FCER2: variants seen among roughly 807,000 people sequenced by gnomAD.
FCER2 encodes Fc epsilon receptor II.
In FCER2, 38 loss-of-function variants were observed where a neutral mutation model predicts 49.7. The ratio of observed to expected loss-of-function variants is 0.76; its 90% CI spans 0.59 to 1.00. FCER2 has a LOEUF of 1.00. FCER2 is among the 50% of genes least tolerant of loss of function. FCER2 has a pLI of 0.00. For synonymous variants in FCER2, 163 were observed against 164.6 expected (o/e 0.99, Z 0.07); for missense variants, 425 against 419.5 (o/e 1.01, Z -0.11).
chr19:7,699,633 C>A, intron 2 of FCER2, 106 bp downstream of exon 2: 1 of 1,312,562 alleles, frequency 7.6e-7, no homozygotes, highest in Non-Finnish European at 1.1e-6. Context: ...AGAAATTCAC[C>A]CTCTTTCCCA....
intron 2 of FCER2, 109 bp downstream of exon 2, chr19:7,699,630 C>G (rs2033110562): frequency 2.3e-6 from 3 of 1,297,322 alleles, no homozygotes; most frequent in Non-Finnish European, 3.3e-6. Context: ...CTTAGAAATT[C>G]ACCCTCTTTC....
Position 7,698,421 on chromosome 19 carries a change from G to C in FCER2, c.137-12C>G. 1 of 1,603,042 alleles carries C rather than the reference G, an allele frequency of 6.2e-7. No individual in the cohort carries two copies. The highest frequency in any genetic ancestry group is 1.1e-5 in the South Asian group (1 of 89,898). ...TGTGGTGTCCCAGTCTGGGGAGGGG[G>C]AGAGAAGAGGAGTGGAGAGGGGGGA... On this transcript the variant is annotated splice_polypyrimidine_tract_variant and intron_variant, in intron 3 of 10. Transcript: ENST00000597921.
chr19:7,699,483 TTTTTTTTTTC>T, intron 2 of FCER2: 2 of 1,207,530 alleles, frequency 1.7e-6, no homozygotes, highest in Non-Finnish European at 2.1e-6. Context: ...AGCCGTTTTT[TTTTTTTTTTC>T]TTTTTCTTTT....
chr19:7,699,679 G>C, intron 2 of FCER2, 60 bp downstream of exon 2: 1 of 1,536,950 alleles, frequency 6.5e-7, no homozygotes, highest in Admixed American at 1.7e-5. Flanking sequence ...TCTTCTGGGT[G>C]AAAGGCAGTA....
At chr19:7,696,436 A>G (rs2033013097) in intron 8 of FCER2, among the ~76,000 whole-genome samples, 2 of 152,014 alleles carry the variant, frequency 1.3e-5, no homozygotes. Context: ...GGGTTTCACC[A>G]TGTTGGTCAG....
intron 1 of FCER2, among the ~76,000 whole-genome samples, chr19:7,701,574 C>T (rs2033152302): frequency 1.3e-5 from 2 of 152,102 alleles, no homozygotes; most frequent in Admixed American, 1.3e-4. Context: ...AGTGGTGGGA[C>T]TGGAACTCAA....
intron 8 of FCER2, among the ~76,000 whole-genome samples, 189 bp from the exon 9 acceptor site, chr19:7,690,746 T>G (rs1189999371): frequency 6.6e-6 from 1 of 152,102 alleles, no homozygotes; most frequent in Non-Finnish European, 1.5e-5. Context: ...ACCAGATCCA[T>G]AGTAGAAGCA....
In FCER2 at chr19:7,700,043, C is replaced by G; in HGVS notation, c.-85-198G>C. ...AGCCTGAGATCAGAAGTGGGGCACT[C>G]CAGAGCCCATCACACTTGAGCTACA... On this transcript the variant is annotated intron_variant, in intron 1 of 10. Coordinates refer to ENST00000597921, the MANE Select transcript of FCER2 (RefSeq NM_001220500.2). The G allele has an allele frequency of 5.7e-6, 3 of 525,952 alleles. No homozygotes were observed. In the East Asian group the frequency reaches 9.9e-5, roughly 17 times the overall value. 32.6% of individuals were successfully genotyped at this position (525,952 alleles called of 1,614,324 possible).
At chr19:7,699,416 C>T in intron 2 of FCER2, 3 of 1,419,330 alleles carry the variant, frequency 2.1e-6, no homozygotes, top group Non-Finnish European at 2.8e-6. Flanking sequence ...TCTGCTTGTT[C>T]CAAGTTCCTG....
At chr19:7,696,586 G>A (rs35446135) in intron 8 of FCER2, among the ~76,000 whole-genome samples, 36,444 of 151,928 alleles carry the variant, frequency 0.24, 4,728 homozygotes, top group African/African-American at 0.33. Flanking sequence ...TGTATGCTCT[G>A]TGTGTCCTGC....
In FCER2 at chr19:7,696,906, C is replaced by T. The variant is rs755933015; in HGVS notation, c.388G>A (p.Glu130Lys). 1.9e-6 allele frequency: 3 copies of T among 1,582,172 alleles called. No individual in the cohort carries two copies. Among genetic ancestry groups the T allele is most frequent in the Non-Finnish European group, 2.6e-6 (3 of 1,163,204 alleles). ...LSSFKSQELNERNEASDLLER... is the reference protein window; with the variant it reads ...LSSFKSQELNKRNEASDLLER... ...AGCAAATCTGAAGCTTCGTTCCTCTCGTTCAATTCTTGGGGAGTCAACAAG... is the reference window on the plus strand; with the variant it reads ...AGCAAATCTGAAGCTTCGTTCCTCTTGTTCAATTCTTGGGGAGTCAACAAG... Residue 130 changes from glutamate to lysine, a missense_variant, in exon 8 of 11, where the codon GAG becomes AAG. Physicochemically the swap from Glu to Lys is moderately conservative, Grantham distance 56. Transcript: ENST00000597921.
intron 2 of FCER2, 137 bp from the exon 3 acceptor site, chr19:7,698,991 A>AT (rs903569009): frequency 1.2e-6 from 1 of 862,784 alleles, no homozygotes; most frequent in Non-Finnish European, 1.8e-6. Context: ...GTCTCAGTGG[A>AT]CCCCCAGCTC....
chr19:7,697,653 A>G, intron 4 of FCER2, 64 bp from the exon 5 acceptor site: 2 of 1,364,296 alleles, frequency 1.5e-6, no homozygotes, highest in Non-Finnish European at 2.1e-6. Context: ...GACCCCGCCT[A>G]TGCCCCAGGC....
At chr19:7,697,992 G>C (rs1361920390) in intron 4 of FCER2, among the ~76,000 whole-genome samples, 1 of 152,144 alleles carries the variant, frequency 6.6e-6, no homozygotes, top group Non-Finnish European at 1.5e-5. Flanking sequence ...AGTTACAATG[G>C]CTCGACTTTA....
chr19:7,689,276 C>A lies in FCER2; in HGVS notation c.883G>T (p.Gly295Cys). 6.2e-7 allele frequency: 1 copy of A among 1,613,792 alleles called. No individual in the cohort carries two copies. The highest frequency in any genetic ancestry group is 8.5e-7 in the Non-Finnish European group (1 of 1,179,906). ...LATCTPPASE[G>C]SAESMGPDSR... is the part of the protein sequence containing the mutation. Reference sequence around the variant, plus strand: ...TCAGGTCCCATGGACTCCGCGGAACCTTCGCTGGCTGGCGGCGTGCATGTG... The same window carrying A: ...TCAGGTCCCATGGACTCCGCGGAACATTCGCTGGCTGGCGGCGTGCATGTG... Residue 295 changes from glycine (G) to cysteine (C), a missense_variant, in exon 11 of 11, where the codon GGT (glycine) becomes TGT (cysteine). Coordinates refer to ENST00000597921, the MANE Select transcript of FCER2 (RefSeq NM_001220500.2).
Position 7,702,108 on chromosome 19 carries a change from G to A in FCER2, c.-179C>T, listed in dbSNP as rs2033165034. On this transcript the variant is annotated 5_prime_UTR_variant, in exon 1 of 11. Transcript: ENST00000597921. ...GGGACCGTCAGAGACAGAGGTTTAA[G>A]CAGGAAGAGAGACACTTTCTTCTGA... The A allele has an allele frequency of 6.6e-6, 1 of 152,094 alleles. No individual in the cohort carries two copies. Among genetic ancestry groups the A allele is most frequent in the Admixed American group, 6.6e-5 (1 of 15,262 alleles). 9.4% of individuals were successfully genotyped at this position (152,094 alleles called of 1,614,324 possible). A position where few individuals can be genotyped will look rare whatever the true frequency, so the allele number is the denominator to read the frequency against.
At chr19:7,699,589 G>GC in intron 2 of FCER2, 150 bp downstream of exon 2, 1 of 1,173,798 alleles carries the variant, frequency 8.5e-7, no homozygotes, top group South Asian at 1.4e-5. Context: ...AGTCAGTCCG[G>GC]CCTCACCTCC....
In FCER2 at chr19:7,700,020, C is replaced by T. The variant is rs1284784103; in HGVS notation, c.-85-175G>A. 6 of 562,734 alleles carry T rather than the reference C, an allele frequency of 1.1e-5. No homozygotes were observed. In the Admixed American group the frequency reaches 1.9e-4, roughly 17 times the overall value. 34.9% of individuals were successfully genotyped at this position (562,734 alleles called of 1,614,324 possible). ...CACAGCTGGTGTGGAGAGATAGCAGCCTGAGATCAGAAGTGGGGCACTCCA... is the reference window on the plus strand; with the variant it reads ...CACAGCTGGTGTGGAGAGATAGCAGTCTGAGATCAGAAGTGGGGCACTCCA... On this transcript the variant is annotated intron_variant, in intron 1 of 10. Transcript: ENST00000597921.
At chr19:7,701,805 G>A (rs1173943397) in intron 1 of FCER2, among the ~76,000 whole-genome samples, 2 of 152,106 alleles carry the variant, frequency 1.3e-5, no homozygotes, top group Non-Finnish European at 2.9e-5. Flanking sequence ...CAGATGGCCT[G>A]CTTTCACTTC....
Sources: allele counts gnomAD v4.1 joint callset (sites outside exome capture counted in the v4.1 genomes callset), GRCh38; gene constraint gnomAD v4.1.1; transcripts MANE v1.5; gene names NCBI Gene and HGNC (gene_info 2026-07-23, HGNC 2026-07-21).